The following ZNF469 variants were observed in gnomAD, a reference collection of about 807,000 sequenced individuals.
ZNF469 encodes the protein zinc finger protein 469.
Under a neutral mutation model 1.0 loss-of-function variants are expected in ZNF469, and 1 was observed. That is an observed-to-expected ratio of 1.00 (90% CI 0.35 to 4.73). The LOEUF (loss-of-function observed/expected upper bound fraction) is 4.73, where lower values mean the gene tolerates loss of function less well. Among genes scored for constraint, ZNF469 ranks in the 30% most tolerant of loss-of-function variants. The pLI is 0.16. For missense variants in ZNF469, 6,100 were observed against 5,356.3 expected (o/e 1.14, Z -4.33); for synonymous variants, 2,703 against 2,363.4 (o/e 1.14, Z -4.17).
At chr16:88,203,456 C>T in the ZNF469 span, among the ~76,000 whole-genome samples, 31 of 152,166 alleles carry the variant, frequency 2.0e-4, no homozygotes, top group African/African-American at 7.5e-4. Flanking sequence ...CGTGTGAGCT[C>T]CCGGAGCTGC....
chr16:88,185,586 A>G, the ZNF469 span, among the ~76,000 whole-genome samples: 7 of 152,248 alleles, frequency 4.6e-5, no homozygotes, highest in African/African-American at 1.4e-4. Context: ...ACTCGCACAC[A>G]CATGCATACA....
intron 1 of ZNF469, among the ~76,000 whole-genome samples, chr16:88,420,553 G>A (rs1023112242): frequency 6.6e-5 from 10 of 152,240 alleles, no homozygotes; most frequent in Admixed American, 3.9e-4. Flanking sequence ...CTGGTCCCCA[G>A]GGGATGGCCA....
chr16:88,423,547 C>T (rs950704020), intron 1 of ZNF469, among the ~76,000 whole-genome samples: 2 of 152,188 alleles, frequency 1.3e-5, no homozygotes, highest in African/African-American at 4.8e-5. Flanking sequence ...AACAACAAAC[C>T]TTTATTATCT....
the ZNF469 span, among the ~76,000 whole-genome samples, chr16:88,343,050 T>C: frequency 1.3e-5 from 2 of 152,108 alleles, no homozygotes; most frequent in Admixed American, 1.3e-4. Context: ...ACACGGGGAC[T>C]GAGAAGCATA....
At chr16:88,352,677 CCTGG>C in the ZNF469 span, among the ~76,000 whole-genome samples, 22 of 152,372 alleles carry the variant, frequency 1.4e-4, no homozygotes, top group Non-Finnish European at 1.5e-5. Context: ...CCTTCCCCTC[CCTGG>C]CTGGTAGCAG....
the ZNF469 span, among the ~76,000 whole-genome samples, chr16:88,251,538 C>CTTT: frequency 2.1e-4 from 11 of 51,290 alleles, 2 homozygotes; most frequent in Non-Finnish European, 2.6e-4. Flanking sequence ...TCCCTGCTGT[C>CTTT]TTTTTTTTTT....
chr16:88,335,376 C>G, the ZNF469 span, among the ~76,000 whole-genome samples: 1 of 152,232 alleles, frequency 6.6e-6, no homozygotes, highest in East Asian at 1.9e-4. Context: ...GAGGGCCACT[C>G]CGGGGTGCTC....
chr16:88,334,573 A>G, the ZNF469 span, among the ~76,000 whole-genome samples: 2 of 152,200 alleles, frequency 1.3e-5, no homozygotes, highest in African/African-American at 4.8e-5. Context: ...GGAGTGATTC[A>G]TCTGTCCCAG....
In ZNF469 at chr16:88,430,856, G is replaced by A; in HGVS notation, c.3386G>A (p.Gly1129Asp). Residue 1129 changes from glycine (G) to aspartate (D), a missense_variant, in exon 3 of 3, where the codon GGT becomes GAT. Transcript: ENST00000565624. The part of the protein sequence containing the change: ...EKRKEVELTQ[G>D]PREDEPQKPR... ...AGGAAGGAAGTGGAGCTGACCCAGGGTCCCAGAGAGGATGAGCCACAGAAA... is the reference window on the plus strand; with the variant it reads ...AGGAAGGAAGTGGAGCTGACCCAGGATCCCAGAGAGGATGAGCCACAGAAA... The A allele has an allele frequency of 2.0e-6, 3 of 1,536,846 alleles. No individual in the cohort carries two copies. Among genetic ancestry groups the A allele is most frequent in the South Asian group, 2.4e-5 (2 of 84,038 alleles).
At chr16:88,324,538 G>A in the ZNF469 span, among the ~76,000 whole-genome samples, 2 of 152,244 alleles carry the variant, frequency 1.3e-5, no homozygotes, top group Non-Finnish European at 1.5e-5. Context: ...GAAAGAATTT[G>A]AAAGCCAGCT....
Position 88,436,105 on chromosome 16 carries a change from G to T in ZNF469, c.8635G>T (p.Gly2879Trp), listed in dbSNP as rs1197452073. The change falls in exon 3 of 3, where the codon GGG becomes TGG. Residue 2879 changes from glycine (G) to tryptophan (W), a missense_variant. By Grantham distance (184) the Gly-to-Trp change is radical (BLOSUM62 -2). Transcript: ENST00000565624. Reference protein sequence around the residue: ...LTRKRNPHVYGKRCEKPVLPL... With the variant: ...LTRKRNPHVYWKRCEKPVLPL... ...TAGAAAGAGGAACCCGCATGTCTAC[G>T]GGAAGCGCTGTGAGAAGCCGGTGCT... 1.9e-6 allele frequency: 3 copies of T among 1,549,048 alleles called. No individual in the cohort carries two copies. The highest frequency in any genetic ancestry group is 1.2e-5 in the South Asian group (1 of 84,058).
chr16:88,434,586 C>G lies in ZNF469; in HGVS notation c.7116C>G (p.Thr2372=), dbSNP rs762487170. Residue 2372 remains threonine, a synonymous_variant, in exon 3 of 3, where the codon ACC becomes ACG. Coordinates refer to ENST00000565624, the MANE Select transcript of ZNF469 (RefSeq NM_001367624.2). ...CCTGCCTGGAAGGTGAGATGGGGAC[C>G]AGCAGCAAGGAGCCGGAGGACCCAG... ...SPACLEGEMG[T]SSKEPEDPGT... The G allele has an allele frequency of 5.2e-5, 80 of 1,550,230 alleles. No homozygotes were observed. The Middle Eastern group carries it at 1.0e-3, about 19-fold the overall frequency.
chr16:88,264,819 C>A, the ZNF469 span, among the ~76,000 whole-genome samples: 1 of 152,088 alleles, frequency 6.6e-6, no homozygotes, highest in Non-Finnish European at 1.5e-5. Context: ...CCCCGCCTCG[C>A]ACCCTCGCGC....
chr16:88,104,531 A>T, the ZNF469 span, among the ~76,000 whole-genome samples: 667 of 152,266 alleles, frequency 4.4e-3, 4 homozygotes, highest in African/African-American at 0.015. Context: ...ACTCTGCTTC[A>T]GTCCTGGAGT....
the ZNF469 span, among the ~76,000 whole-genome samples, chr16:88,116,377 G>A: frequency 6.6e-6 from 1 of 152,218 alleles, no homozygotes; most frequent in African/African-American, 2.4e-5. Context: ...CCGCAGTGTA[G>A]ACACAGGACC....
the ZNF469 span, among the ~76,000 whole-genome samples, chr16:88,209,732 G>C: frequency 1.3e-5 from 2 of 152,106 alleles, no homozygotes; most frequent in Non-Finnish European, 2.9e-5. Context: ...GTTCATAGAG[G>C]ACTTCCTTAT....
the ZNF469 span, among the ~76,000 whole-genome samples, chr16:88,270,781 G>T: frequency 6.6e-6 from 1 of 152,266 alleles, no homozygotes; most frequent in Admixed American, 6.5e-5. Context: ...GAACACTTCT[G>T]TGTGGTGTTC....
chr16:88,365,561 C>T, the ZNF469 span, among the ~76,000 whole-genome samples: 21 of 152,280 alleles, frequency 1.4e-4, no homozygotes, highest in South Asian at 2.1e-4. Flanking sequence ...ACCCTGGAGC[C>T]GGCCAGCAGA....
At chr16:88,242,208 G>T in the ZNF469 span, among the ~76,000 whole-genome samples, 1 of 152,186 alleles carries the variant, frequency 6.6e-6, no homozygotes, top group African/African-American at 2.4e-5. Context: ...CCCACACTGG[G>T]CCCTAAGGTT....
Sources: gnomAD v4.1 joint callset for allele counts (sites outside exome capture counted in the v4.1 genomes callset) on GRCh38, gnomAD v4.1.1 for gene constraint, MANE v1.5 for transcripts, NCBI Gene and HGNC (gene_info 2026-07-23, HGNC 2026-07-21) for gene names.